The following CECR2 variants were observed in gnomAD, a reference collection of about 807,000 sequenced individuals.
CECR2 encodes CECR2 histone acetyl-lysine reader.
Under a neutral mutation model 154.5 loss-of-function variants are expected in CECR2, and 30 were observed. The ratio of observed to expected loss-of-function variants is 0.19; its 90% CI spans 0.15 to 0.26. The LOEUF is 0.26. Ranked by LOEUF, CECR2 falls within the 10% of genes least tolerant of loss-of-function variation. The pLI is 1.00. For missense variants in CECR2, 1,743 were observed against 1,829.3 expected, an observed-to-expected ratio of 0.95 and a Z score of 0.86; for synonymous variants, 725 against 683.7, an observed-to-expected ratio of 1.06 and a Z score of -0.94.
At chr22:17,442,037 A>G (rs1475860064) in intron 1 of CECR2, among the ~76,000 whole-genome samples, 2 of 152,242 alleles carry the variant, frequency 1.3e-5, no homozygotes, top group African/African-American at 2.4e-5. Context: ...ATCTTCTACT[A>G]GAATCAAACT....
chr22:17,491,967 TC>T (rs2055540867), intron 2 of CECR2, among the ~76,000 whole-genome samples: 1 of 150,350 alleles, frequency 6.7e-6, no homozygotes, highest in Non-Finnish European at 1.5e-5. Flanking sequence ...TAGTAGCTAT[TC>T]TACAGCCCTA....
At chr22:17,470,908 A>T (rs1422798795) in intron 1 of CECR2, among the ~76,000 whole-genome samples, 2 of 151,872 alleles carry the variant, frequency 1.3e-5, no homozygotes, top group Admixed American at 1.3e-4. Context: ...GTCTTTGGTG[A>T]CTCCCCAGTA....
intron 1 of CECR2, among the ~76,000 whole-genome samples, chr22:17,422,891 T>C (rs2518733): frequency 0.34 from 50,901 of 151,810 alleles, 8,899 homozygotes; most frequent in African/African-American, 0.44. Flanking sequence ...TCCCTGCTCA[T>C]GCTGCCCACC....
At chr22:17,445,552 A>ATTG (rs1555910330) in intron 1 of CECR2, among the ~76,000 whole-genome samples, 30 of 75,386 alleles carry the variant, frequency 4.0e-4, no homozygotes, top group African/African-American at 5.7e-4. Flanking sequence ...CTTTATTATT[A>ATTG]TTATTATTAT....
At chr22:17,523,982 A>G in intron 8 of CECR2, 136 bp from the exon 9 acceptor site, 1 of 677,758 alleles carries the variant, frequency 1.5e-6, no homozygotes, top group Non-Finnish European at 2.5e-6. Context: ...TTTACAGATA[A>G]CAAAATCAGC....
At chr22:17,375,294 A>G (rs953227217) in intron 1 of CECR2, among the ~76,000 whole-genome samples, 1 of 151,694 alleles carries the variant, frequency 6.6e-6, no homozygotes, top group Non-Finnish European at 1.5e-5. Flanking sequence ...TTGTGTTTTT[A>G]GTACAGACGG....
At chr22:17,399,974 G>A (rs1426902606) in intron 1 of CECR2, among the ~76,000 whole-genome samples, 1 of 152,078 alleles carries the variant, frequency 6.6e-6, no homozygotes, top group Non-Finnish European at 1.5e-5. Context: ...TCATTATTAT[G>A]CTTATTGTAA....
At chr22:17,432,342 G>A (rs766277793) in intron 1 of CECR2, among the ~76,000 whole-genome samples, 6 of 152,206 alleles carry the variant, frequency 3.9e-5, no homozygotes, top group Non-Finnish European at 5.9e-5. Context: ...CCACTGTGTG[G>A]GTAATACCAC....
intron 1 of CECR2, among the ~76,000 whole-genome samples, chr22:17,450,202 T>C (rs1335807900): frequency 6.6e-6 from 1 of 152,252 alleles, no homozygotes; most frequent in Non-Finnish European, 1.5e-5. Context: ...GGAAATAGTT[T>C]AGATTCATTT....
At chr22:17,448,767 G>T (rs950867134) in intron 1 of CECR2, among the ~76,000 whole-genome samples, 3 of 152,192 alleles carry the variant, frequency 2.0e-5, no homozygotes, top group Non-Finnish European at 4.4e-5. Flanking sequence ...GCACTTAAAT[G>T]TAATAGTGGA....
At chr22:17,512,709 A>T (rs77568488) in intron 8 of CECR2, among the ~76,000 whole-genome samples, 1 of 1,920 alleles carries the variant, frequency 5.2e-4, no homozygotes, top group Non-Finnish European at 7.4e-3. Context: ...CTGTCTCAGA[A>T]AAAAAAAAAA....
intron 2 of CECR2, among the ~76,000 whole-genome samples, chr22:17,483,728 GT>G (rs907326554): frequency 6.6e-5 from 10 of 151,902 alleles, no homozygotes; most frequent in East Asian, 1.9e-4. Context: ...TGAAGGAAAG[GT>G]TTTTTTTAAA....
At chr22:17,435,087 C>T (rs2054483072) in intron 1 of CECR2, among the ~76,000 whole-genome samples, 1 of 152,048 alleles carries the variant, frequency 6.6e-6, no homozygotes, top group Non-Finnish European at 1.5e-5. Context: ...AAGAGGCAGC[C>T]CCCTGTTAGT....
At chr22:17,419,017 C>G (rs980945579) in intron 1 of CECR2, 3 of 170,654 alleles carry the variant, frequency 1.8e-5, no homozygotes, top group Non-Finnish European at 3.8e-5. Context: ...GCCCGGGGCC[C>G]TGGCCAAGGG....
At position 17,444,060 on chromosome 22, in the gene CECR2, T is replaced by G. The variant is rs115980155; in HGVS notation, c.127-33528T>G. ...AGGTATTTGCATGTGCAGGCACACA[T>G]ACGCACTTGGCTGGTCGGACTGGCA... On this transcript the variant is annotated intron_variant, in intron 1 of 18. Transcript: ENST00000262608. Among the ~76,000 whole-genome samples the G allele has an allele frequency of 6.5e-3, 989 of 152,318 alleles. 13 individuals carry two copies. Among genetic ancestry groups the G allele is most frequent in the African/African-American group, 0.022 (935 of 41,576 alleles).
chr22:17,533,276 C>G (rs1019852193), intron 9 of CECR2, among the ~76,000 whole-genome samples: 1 of 149,196 alleles, frequency 6.7e-6, no homozygotes, highest in Non-Finnish European at 1.5e-5. Context: ...GTTAACATAG[C>G]GCCACCGCAG....
chr22:17,502,023 A>T (rs2055747631), intron 5 of CECR2, among the ~76,000 whole-genome samples: 1 of 152,238 alleles, frequency 6.6e-6, no homozygotes, highest in Non-Finnish European at 1.5e-5. Context: ...GCCAATATAG[A>T]ACATTTTCAT....
chr22:17,440,074 A>AC (rs1209514307), intron 1 of CECR2, among the ~76,000 whole-genome samples: 1 of 151,838 alleles, frequency 6.6e-6, no homozygotes, highest in African/African-American at 2.4e-5. Context: ...TACATTGAAA[A>AC]AAAAAACAAA....
intron 1 of CECR2, chr22:17,477,052 T>G (rs1237723051): frequency 1.4e-6 from 1 of 710,328 alleles, no homozygotes; most frequent in Non-Finnish European, 2.6e-6. Context: ...ATCAGCCATG[T>G]AGGTGTGGCA....
Sources: allele counts gnomAD v4.1 joint callset (sites outside exome capture counted in the v4.1 genomes callset), GRCh38; gene constraint gnomAD v4.1.1; transcripts MANE v1.5; gene names NCBI Gene and HGNC (gene_info 2026-07-23, HGNC 2026-07-21).